The following IL1RAPL1 variants were observed in gnomAD, a reference collection of about 807,000 sequenced individuals.
IL1RAPL1 encodes interleukin-1 receptor accessory protein-like 1.
Under a neutral mutation model 48.4 loss-of-function variants are expected in IL1RAPL1, and 3 were observed. That is an observed-to-expected ratio of 0.06 (90% confidence interval 0.03 to 0.16). The LOEUF is 0.16. Ranked by LOEUF, IL1RAPL1 falls within the 10% of genes least tolerant of loss-of-function variation. The pLI, the probability that IL1RAPL1 is intolerant of heterozygous loss-of-function variation, is 1.00. For synonymous variants in IL1RAPL1, 185 were observed against 187.7 expected (o/e 0.99, Z 0.12); for missense variants, 349 against 530.6 (o/e 0.66, Z 3.36).
At chrX:28,845,990 T>C (rs5943561) in intron 2 of IL1RAPL1, among the ~76,000 whole-genome samples, 46,179 of 110,782 alleles carry the variant, frequency 0.42, 7,429 homozygotes, top group Middle Eastern at 0.62. Context: ...CTTGGTGTTA[T>C]ACATTCTATG....
chrX:29,692,027 AAAG>A (rs1305580844), intron 6 of IL1RAPL1, among the ~76,000 whole-genome samples: 1 of 112,428 alleles, frequency 8.9e-6, no homozygotes, highest in African/African-American at 3.2e-5. Flanking sequence ...AAGGTGACAC[AAAG>A]AATTTATTCT....
chrX:28,908,261 T>C (rs993908827), intron 2 of IL1RAPL1, among the ~76,000 whole-genome samples: 1 of 111,464 alleles, frequency 9.0e-6, no homozygotes, highest in African/African-American at 3.3e-5. Context: ...TAAAGTGTTG[T>C]TTTTTCTCTG....
intron 2 of IL1RAPL1, among the ~76,000 whole-genome samples, chrX:28,889,201 T>G (rs73631621): frequency 0.017 from 1,914 of 111,642 alleles, 42 homozygotes; most frequent in African/African-American, 0.059. Context: ...TAGGATTTAA[T>G]TATTTTTTCT....
At position 29,829,588 on chromosome X, in the gene IL1RAPL1, C is replaced by G. The variant is rs769579279; in HGVS notation, c.779-87876C>G. On this transcript the variant is annotated intron_variant, in intron 6 of 10. Coordinates refer to ENST00000378993, the MANE Select transcript of IL1RAPL1 (RefSeq NM_014271.4). ...TAGTCAAAACACATGACTACAAGTT[C>G]CAAGTCCACCAATTTTTGGCTTTAT... Among the ~76,000 whole-genome samples the G allele has an allele frequency of 4.5e-5, 5 of 111,320 alleles. No individual in the cohort carries two copies. The South Asian group carries it at 1.5e-3, about 34-fold the overall frequency.
At chrX:29,493,060 C>CT (rs1189471534) in intron 5 of IL1RAPL1, among the ~76,000 whole-genome samples, 1 of 111,821 alleles carries the variant, frequency 8.9e-6, no homozygotes, top group Non-Finnish European at 1.9e-5. Flanking sequence ...TCTTTTTGCA[C>CT]TGGCATTATT....
intron 1 of IL1RAPL1, among the ~76,000 whole-genome samples, chrX:28,772,509 C>T (rs763510624): frequency 9.0e-6 from 1 of 111,323 alleles, no homozygotes; most frequent in Admixed American, 9.6e-5. Context: ...ACTAGCTTTC[C>T]GCCAGGAAAT....
intron 6 of IL1RAPL1, among the ~76,000 whole-genome samples, chrX:29,716,250 A>G (rs1186501627): frequency 9.0e-6 from 1 of 111,348 alleles, no homozygotes; most frequent in Non-Finnish European, 1.9e-5. Flanking sequence ...CAGGCTGCCC[A>G]GTAAGAGGAG....
At chrX:28,837,756 C>T (rs188294916) in intron 2 of IL1RAPL1, among the ~76,000 whole-genome samples, 222 of 98,980 alleles carry the variant, frequency 2.2e-3, no homozygotes, top group Non-Finnish European at 3.8e-3. Context: ...GTGTCAAGCC[C>T]ACCACGGTCC....
chrX:28,794,095 AT>A (rs746055382), intron 2 of IL1RAPL1, among the ~76,000 whole-genome samples: 9 of 110,242 alleles, frequency 8.2e-5, no homozygotes, highest in African/African-American at 2.0e-4. Context: ...AAGAAAAATG[AT>A]TTTTTTTTCT....
At chrX:28,661,482 CTG>C (rs1281611761) in intron 1 of IL1RAPL1, among the ~76,000 whole-genome samples, 6 of 111,185 alleles carry the variant, frequency 5.4e-5, no homozygotes, top group Admixed American at 9.6e-5. Flanking sequence ...GATTGGATCT[CTG>C]AGAGGGCTTA....
chrX:29,328,556 A>G (rs1569286574), intron 3 of IL1RAPL1, among the ~76,000 whole-genome samples: 1 of 110,333 alleles, frequency 9.1e-6, no homozygotes, highest in Non-Finnish European at 1.9e-5. Context: ...AGACTGTAAT[A>G]TAACAGGTAA....
At chrX:28,894,498 A>G (rs1394715769) in intron 2 of IL1RAPL1, among the ~76,000 whole-genome samples, 1 of 111,758 alleles carries the variant, frequency 8.9e-6, no homozygotes, top group Non-Finnish European at 1.9e-5. Flanking sequence ...GTGGGAGGCC[A>G]GATTGAAGTC....
chrX:29,895,012 C>T (rs995872630), intron 6 of IL1RAPL1, among the ~76,000 whole-genome samples: 27 of 108,422 alleles, frequency 2.5e-4, no homozygotes, highest in African/African-American at 8.1e-4. Context: ...TCAGTAGAGA[C>T]GGGGTTTCAC....
At chrX:29,032,819 C>G (rs1049338350) in intron 2 of IL1RAPL1, among the ~76,000 whole-genome samples, 1 of 112,125 alleles carries the variant, frequency 8.9e-6, no homozygotes, top group Non-Finnish European at 1.9e-5. Flanking sequence ...GTTTGAATTG[C>G]GGGTCTGCCA....
intron 1 of IL1RAPL1, among the ~76,000 whole-genome samples, chrX:28,669,740 TATATC>T (rs886568933): frequency 8.6e-5 from 9 of 104,666 alleles, no homozygotes; most frequent in South Asian, 7.7e-4. Flanking sequence ...AATTTATAAT[TATATC>T]ATATCATATA....
At chrX:29,726,276 A>G (rs1308692460) in intron 6 of IL1RAPL1, among the ~76,000 whole-genome samples, 1 of 112,507 alleles carries the variant, frequency 8.9e-6, no homozygotes, top group Non-Finnish European at 1.9e-5. Context: ...CTTGTACAAC[A>G]TAATGATTTA....
chrX:29,498,468 CTTTA>C (rs199962472), intron 5 of IL1RAPL1, among the ~76,000 whole-genome samples: 7,907 of 110,746 alleles, frequency 0.071, 488 homozygotes, highest in African/African-American at 0.2. Context: ...TGATTTTTTT[CTTTA>C]TTTGATTCCT....
chrX:29,032,580 T>G (rs1288324010), intron 2 of IL1RAPL1, among the ~76,000 whole-genome samples: 3 of 112,973 alleles, frequency 2.7e-5, no homozygotes, highest in Non-Finnish European at 5.6e-5. Context: ...CCCTGGTCTT[T>G]TCTTTCTCTG....
At chrX:29,422,902 A>G (rs1298656054) in intron 5 of IL1RAPL1, among the ~76,000 whole-genome samples, 2 of 111,834 alleles carry the variant, frequency 1.8e-5, no homozygotes, top group Non-Finnish European at 3.8e-5. Context: ...AACCTGAAAT[A>G]TTAGTTCAGG....
Sources: gnomAD v4.1 joint callset for allele counts (sites outside exome capture counted in the v4.1 genomes callset) on GRCh38, gnomAD v4.1.1 for gene constraint, MANE v1.5 for transcripts, NCBI Gene and HGNC (gene_info 2026-07-23, HGNC 2026-07-21) for gene names.